Variants in SPATS2 observed in about 807,000 individuals in gnomAD.
The protein encoded by SPATS2 is spermatogenesis associated serine rich 2, also known as spermatogenesis-associated serine-rich protein 2.
SPATS2 carries 38 observed loss-of-function variants against 63.7 expected under a neutral mutation model. That is an observed-to-expected ratio of 0.60 (90% CI 0.46 to 0.78). The LOEUF is 0.78. Ranked by LOEUF, SPATS2 falls within the 30% of genes least tolerant of loss-of-function variation. The probability of loss-of-function intolerance (pLI) is 0.00; values close to 1 mark genes in which losing one functional copy is unlikely to be tolerated. For synonymous variants in SPATS2, 207 were observed against 232.9 expected (o/e 0.89, Z 1.01); for missense variants, 588 against 666.2 (o/e 0.88, Z 1.29).
chr12:49,523,967 A>G (rs748249166), intron 12 of SPATS2, among the ~76,000 whole-genome samples: 2 of 152,044 alleles, frequency 1.3e-5, no homozygotes, highest in Non-Finnish European at 2.9e-5. Flanking sequence ...AAAAAAAGTG[A>G]AATATTTCAC....
At chr12:49,488,344 TA>T (rs1302528770) in intron 4 of SPATS2, among the ~76,000 whole-genome samples, 1 of 151,676 alleles carries the variant, frequency 6.6e-6, no homozygotes, top group African/African-American at 2.4e-5. Context: ...TGCCCAGCCA[TA>T]TATTTTTAGT....
At chr12:49,368,582 G>T (rs79601649) in intron 1 of SPATS2, among the ~76,000 whole-genome samples, 3 of 152,116 alleles carry the variant, frequency 2.0e-5, no homozygotes, top group Non-Finnish European at 4.4e-5. Flanking sequence ...TACTGGTTTT[G>T]TGTTTGTGGG....
chr12:49,420,029 A>G (rs745455112), intron 2 of SPATS2, among the ~76,000 whole-genome samples: 1 of 152,190 alleles, frequency 6.6e-6, no homozygotes, highest in Non-Finnish European at 1.5e-5. Flanking sequence ...ATTTCAAACA[A>G]TTCTTTTGTG....
intron 2 of SPATS2, among the ~76,000 whole-genome samples, chr12:49,428,223 C>T (rs938795236): frequency 6.6e-6 from 1 of 152,052 alleles, no homozygotes; most frequent in Non-Finnish European, 1.5e-5. Context: ...CCACTGCACT[C>T]CAGCCTGGGC....
intron 3 of SPATS2, chr12:49,463,412 C>CAAAAAAA: frequency 1.3e-5 from 1 of 75,956 alleles, no homozygotes; most frequent in Non-Finnish European, 2.5e-5. Context: ...GACTCTGTCT[C>CAAAAAAA]AAAAAAAAAA....
At position 49,494,858 on chromosome 12, in the gene SPATS2, G is replaced by A; in HGVS notation, c.382G>A (p.Gly128Ser). 1 of 1,613,974 alleles carries A rather than the reference G, an allele frequency of 6.2e-7. No individual in the cohort carries two copies. The highest frequency in any genetic ancestry group is 2.2e-5 in the East Asian group (1 of 44,878). Residue 128 changes from glycine to serine, a missense_variant, in exon 7 of 14, where the codon GGT becomes AGT. Gly to Ser is a moderately conservative substitution (Grantham distance 56). Transcript: ENST00000552918. ...GTCTGCGCCTTCCTCAGAGAAAGGT[G>A]GTATGAATGGCTACCATGTCAATGG... ...EQSAPSSEKG[G>S]MNGYHVNGAI... is the part of the protein sequence containing the mutation.
chr12:49,389,441 G>C (rs1944380990), intron 2 of SPATS2: 2 of 649,580 alleles, frequency 3.1e-6, no homozygotes, highest in Non-Finnish European at 5.6e-6. Flanking sequence ...ATAGGTCCCG[G>C]TTGGTAGAGG....
At chr12:49,399,107 C>T (rs951850215) in intron 2 of SPATS2, among the ~76,000 whole-genome samples, 1 of 152,034 alleles carries the variant, frequency 6.6e-6, no homozygotes, top group Non-Finnish European at 1.5e-5. Context: ...TGTCCACATA[C>T]GTTTTCGTGT....
At chr12:49,492,222 T>C (rs1946394250) in intron 6 of SPATS2, among the ~76,000 whole-genome samples, 1 of 151,562 alleles carries the variant, frequency 6.6e-6, no homozygotes, top group Non-Finnish European at 1.5e-5. Context: ...CTTTTTTCTT[T>C]TTTTTTTTTC....
intron 3 of SPATS2, among the ~76,000 whole-genome samples, chr12:49,475,317 G>A (rs529036976): frequency 1.3e-5 from 2 of 152,270 alleles, no homozygotes; most frequent in South Asian, 2.1e-4. Flanking sequence ...TTATAACAAA[G>A]TATTTAAGAT....
intron 2 of SPATS2, among the ~76,000 whole-genome samples, chr12:49,392,582 A>G (rs1944436726): frequency 6.6e-6 from 1 of 151,758 alleles, no homozygotes; most frequent in Non-Finnish European, 1.5e-5. Context: ...GCGTGGTGGC[A>G]GGTGCCTGTA....
rs869155580 is a variant in SPATS2, at chr12:49,453,856, CTTTTTTTTTTT to C, written c.-243-6900_-243-6890del. 2.1e-4 allele frequency among the ~76,000 whole-genome samples: 16 copies of C among 76,202 alleles called. No homozygotes were observed. The East Asian group carries it at 4.4e-3, about 21-fold the overall frequency. The allele number at this position is 76,202 out of a possible 152,430, so 50.0% of individuals were successfully genotyped here. Reference sequence around the variant, plus strand: ...ACACAGAATTGCAGCAAATAGCATTCTTTTTTTTTTTTTTTTTTTTTTTTGAGACGGAGTCT... The same window carrying C: ...ACACAGAATTGCAGCAAATAGCATTCTTTTTTTTTTTTTGAGACGGAGTCT... On this transcript the variant is annotated intron_variant, in intron 2 of 13. Coordinates refer to ENST00000552918, the MANE Select transcript of SPATS2 (RefSeq NM_023071.4).
At chr12:49,437,500 C>T (rs1437248709) in intron 2 of SPATS2, among the ~76,000 whole-genome samples, 3 of 152,142 alleles carry the variant, frequency 2.0e-5, no homozygotes, top group South Asian at 2.1e-4. Context: ...GAGGTTGTAG[C>T]GAGCCGAGAT....
At chr12:49,369,220 G>A (rs1360768035) in intron 1 of SPATS2, among the ~76,000 whole-genome samples, 1 of 151,824 alleles carries the variant, frequency 6.6e-6, no homozygotes, top group Non-Finnish European at 1.5e-5. Flanking sequence ...TAGAGACGGG[G>A]GTTTCACCAT....
At chr12:49,477,059 C>T (rs572986405) in intron 3 of SPATS2, among the ~76,000 whole-genome samples, 2 of 150,744 alleles carry the variant, frequency 1.3e-5, no homozygotes, top group South Asian at 2.1e-4. Flanking sequence ...GAGCCAAGAT[C>T]GCCATTACAC....
At chr12:49,429,256 T>C (rs1297147760) in intron 2 of SPATS2, among the ~76,000 whole-genome samples, 1 of 151,440 alleles carries the variant, frequency 6.6e-6, no homozygotes, top group African/African-American at 2.4e-5. Context: ...TTGAGGTTTC[T>C]TTTTTTTATT....
intron 2 of SPATS2, among the ~76,000 whole-genome samples, chr12:49,380,711 A>C (rs536298617): frequency 6.6e-6 from 1 of 151,628 alleles, no homozygotes; most frequent in Non-Finnish European, 1.5e-5. Flanking sequence ...GCCTCAAAAA[A>C]AAAATATATA....
intron 2 of SPATS2, among the ~76,000 whole-genome samples, chr12:49,371,830 A>G (rs760324098): frequency 7.2e-5 from 11 of 152,092 alleles, no homozygotes; most frequent in Non-Finnish European, 1.5e-4. Context: ...TAACCCATTC[A>G]TGAGAAACCA....
intron 3 of SPATS2, among the ~76,000 whole-genome samples, chr12:49,474,301 C>A (rs1174888986): frequency 6.6e-6 from 1 of 152,146 alleles, no homozygotes; most frequent in African/African-American, 2.4e-5. Context: ...TTATTGACTT[C>A]TAAGTCGGTT....
Sources: allele counts gnomAD v4.1 joint callset (sites outside exome capture counted in the v4.1 genomes callset), GRCh38; gene constraint gnomAD v4.1.1; transcripts MANE v1.5; gene names NCBI Gene and HGNC (gene_info 2026-07-23, HGNC 2026-07-21).